Variants in DYTN observed in about 807,000 individuals in gnomAD.
The protein encoded by DYTN is dystrotelin.
DYTN carries 75 observed loss-of-function variants against 69.6 expected under a neutral mutation model. That is an observed-to-expected ratio of 1.08 (90% CI 0.89 to 1.31). The LOEUF (loss-of-function observed/expected upper bound fraction) is 1.31. DYTN is among the 50% of genes most tolerant of loss of function. The probability of loss-of-function intolerance (pLI) is 0.00; values close to 1 mark genes in which losing one functional copy is unlikely to be tolerated. For synonymous variants in DYTN, 252 were observed against 249.1 expected, an observed-to-expected ratio of 1.01 and a Z score of -0.11; for missense variants, 726 against 688.4, an observed-to-expected ratio of 1.05 and a Z score of -0.61.
chr2:206,663,823 C>T (rs536831523), intron 10 of DYTN, among the ~76,000 whole-genome samples: 58 of 152,308 alleles, frequency 3.8e-4, no homozygotes, highest in East Asian at 1.7e-3. Context: ...CAGGGATGTG[C>T]TCCGCTTGAA....
intron 9 of DYTN, among the ~76,000 whole-genome samples, chr2:206,667,139 G>T (rs1161899002): frequency 6.6e-6 from 1 of 152,060 alleles, no homozygotes; most frequent in Non-Finnish European, 1.5e-5. Context: ...CCCTCCAGGG[G>T]CTCCCTCTTC....
chr2:206,716,839 A>C (rs1700134752), intron 1 of DYTN, among the ~76,000 whole-genome samples: 1 of 152,036 alleles, frequency 6.6e-6, no homozygotes, highest in Admixed American at 6.6e-5. Context: ...CTCTTGGTAG[A>C]GGAGCGACTC....
chr2:206,715,817 C>T (rs1441601239), intron 1 of DYTN, among the ~76,000 whole-genome samples: 2 of 152,216 alleles, frequency 1.3e-5, no homozygotes, highest in South Asian at 2.1e-4. Flanking sequence ...TGGCCGGGTG[C>T]GGTGGCTCAC....
chr2:206,679,727 T>G (rs1699729723), intron 9 of DYTN, among the ~76,000 whole-genome samples: 1 of 152,108 alleles, frequency 6.6e-6, no homozygotes. Context: ...ACACATAACA[T>G]TATGCTTTCT....
At position 206,651,780 on chromosome 2, in the gene DYTN, G is replaced by T. The variant is rs745768264; in HGVS notation, c.*38C>A. 7.7e-6 allele frequency: 12 copies of T among 1,568,532 alleles called. No individual in the cohort carries two copies. In the African/African-American group the frequency reaches 9.5e-5, roughly 12 times the overall value. ...TAATACAGTTGTGCAACTGCATTTT[G>T]TCATCACACCAAGAGGCCTTTGAGC... On this transcript the variant is annotated 3_prime_UTR_variant, in exon 12 of 12. Transcript: ENST00000452335.
intron 2 of DYTN, among the ~76,000 whole-genome samples, chr2:206,708,209 TTTTTACAAGGCAA>T (rs1340282818): frequency 2.0e-5 from 3 of 152,158 alleles, no homozygotes; most frequent in African/African-American, 7.2e-5. Flanking sequence ...TCTCCTAAAA[TTTTTACAAGGCAA>T]TGAATAGAAA....
At chr2:206,711,150 A>T (rs2105902598) in intron 1 of DYTN, among the ~76,000 whole-genome samples, 2 of 152,346 alleles carry the variant, frequency 1.3e-5, no homozygotes, top group South Asian at 4.1e-4. Context: ...AACAGTGGAC[A>T]TCTCTGAGTG....
At position 206,681,005 on chromosome 2, in the gene DYTN, A is replaced by G. The variant is rs1418575719; in HGVS notation, c.980+12170T>C. Among the ~76,000 whole-genome samples the G allele has an allele frequency of 4.6e-5, 7 of 152,286 alleles. No homozygotes were observed. In the East Asian group the frequency reaches 7.7e-4, roughly 17 times the overall value. ...TTTCACGATATTGGTTCTTCTATTC[A>G]TGAGGATGGAATATTCTACCATTTG... is the stretch of plus-strand genomic sequence containing the variant. On this transcript the variant is annotated intron_variant, in intron 9 of 11. Coordinates refer to ENST00000452335, the MANE Select transcript of DYTN (RefSeq NM_001093730.1).
chr2:206,702,228 GCA>G lies in DYTN; in HGVS notation c.484-2014_484-2013del, dbSNP rs563758643. Among the ~76,000 whole-genome samples, 44 of 152,302 alleles carry G rather than the reference GCA, an allele frequency of 2.9e-4. 1 individual carries two copies. The East Asian group carries it at 7.1e-3, about 25-fold the overall frequency. On this transcript the variant is annotated intron_variant, in intron 5 of 11. Transcript: ENST00000452335. ...GACTTGGCTCTGACATCATCTATAT[GCA>G]CAGATACATGTACCTGTCACCTCCA... is the stretch of plus-strand genomic sequence containing the variant.
intron 11 of DYTN, among the ~76,000 whole-genome samples, chr2:206,655,793 T>G (rs1353017123): frequency 6.6e-6 from 1 of 152,146 alleles, no homozygotes; most frequent in Non-Finnish European, 1.5e-5. Flanking sequence ...TATACATTTT[T>G]TAGTTTTCCT....
intron 9 of DYTN, among the ~76,000 whole-genome samples, chr2:206,670,082 T>C (rs1699613710): frequency 6.6e-6 from 1 of 152,230 alleles, no homozygotes; most frequent in Non-Finnish European, 1.5e-5. Context: ...AATAAGAAGA[T>C]GATAGACAGT....
At chr2:206,691,543 A>T (rs1438452845) in intron 9 of DYTN, among the ~76,000 whole-genome samples, 2 of 152,220 alleles carry the variant, frequency 1.3e-5, no homozygotes, top group Non-Finnish European at 2.9e-5. Context: ...GAAAGGTAAA[A>T]ATAGCTGGCT....
chr2:206,716,311 C>T (rs1246279285), intron 1 of DYTN, among the ~76,000 whole-genome samples: 4 of 152,036 alleles, frequency 2.6e-5, no homozygotes, highest in African/African-American at 9.7e-5. Flanking sequence ...AGGCCAGAGC[C>T]ACCCCAGGCC....
chr2:206,683,727 A>G (rs1699776583), intron 9 of DYTN, among the ~76,000 whole-genome samples: 1 of 152,056 alleles, frequency 6.6e-6, no homozygotes, highest in African/African-American at 2.4e-5. Context: ...ATTAAAATTA[A>G]TGGCAAAAAC....
At chr2:206,653,709 C>CT (rs1474429618) in intron 11 of DYTN, among the ~76,000 whole-genome samples, 1 of 152,142 alleles carries the variant, frequency 6.6e-6, no homozygotes, top group African/African-American at 2.4e-5. Flanking sequence ...GTACTAAGAC[C>CT]TTTCCCTTGA....
At chr2:206,683,620 A>G (rs1699774723) in intron 9 of DYTN, among the ~76,000 whole-genome samples, 1 of 152,102 alleles carries the variant, frequency 6.6e-6, no homozygotes, top group South Asian at 2.1e-4. Context: ...CTGGGATTAC[A>G]GGCATGAGCC....
At chr2:206,691,708 G>A (rs1699864739) in intron 9 of DYTN, among the ~76,000 whole-genome samples, 1 of 152,004 alleles carries the variant, frequency 6.6e-6, no homozygotes, top group South Asian at 2.1e-4. Context: ...ATGTGACATA[G>A]GAATAATAGA....
intron 9 of DYTN, among the ~76,000 whole-genome samples, chr2:206,683,333 CTTTT>C (rs1699771595): frequency 7.5e-6 from 1 of 133,482 alleles, no homozygotes. Flanking sequence ...CTTCTTTTTA[CTTTT>C]TCTTTTTTTT....
chr2:206,675,753 C>A (rs1020211628), intron 9 of DYTN, among the ~76,000 whole-genome samples: 5 of 152,038 alleles, frequency 3.3e-5, no homozygotes, highest in Non-Finnish European at 7.4e-5. Context: ...TATACAACCC[C>A]ATCAAAAAGT....
Sources: allele counts gnomAD v4.1 joint callset (sites outside exome capture counted in the v4.1 genomes callset), GRCh38; gene constraint gnomAD v4.1.1; transcripts MANE v1.5; gene names NCBI Gene and HGNC (gene_info 2026-07-23, HGNC 2026-07-21).